IFNE: variants seen among roughly 807,000 people sequenced by gnomAD.
IFNE encodes IFN-epsilon.
For synonymous variants in IFNE, 94 were observed against 87.4 expected (o/e 1.08, Z -0.42); for missense variants, 276 against 232.4 (o/e 1.19, Z -1.22).
chr9:21,481,511 G>C lies in IFNE; in HGVS notation c.184C>G (p.Leu62Val), dbSNP rs1277586547. ...QCLPHRKNFL[L>V]PQKSLSPQQY... is the part of the protein sequence containing the mutation. ...TGAGGACTCAAAGACTTCTGAGGAA[G>C]CAGAAAGTTTTTCCTGTGTGGTAGA... The change falls in exon 1 of 1, where the codon CTT becomes GTT. Residue 62 changes from leucine to valine, a missense_variant. Coordinates refer to ENST00000448696, the MANE Select transcript of IFNE (RefSeq NM_176891.5). 2 of 1,614,036 alleles carry C rather than the reference G, an allele frequency of 1.2e-6. No individual in the cohort carries two copies.
In IFNE at chr9:21,481,438, T is replaced by C; in HGVS notation, c.257A>G (p.Gln86Arg). The C allele has an allele frequency of 3.1e-6, 5 of 1,614,176 alleles. No individual in the cohort carries two copies. The highest frequency in any genetic ancestry group is 4.2e-6 in the Non-Finnish European group (5 of 1,180,016). Residue 86 changes from glutamine (Q) to arginine (R), a missense_variant, in exon 1 of 1, where the codon CAG becomes CGG. Coordinates refer to ENST00000448696, the MANE Select transcript of IFNE (RefSeq NM_176891.5). ...TGCCCTGAAGAGGCTGAAGATCTGC[T>C]GAAGCATCTCATGGAGAATGGCCAG... ...HTLAILHEML[Q>R]QIFSLFRANI...
rs1210076003 is a variant in IFNE, at chr9:21,482,264, C to T, written c.-570G>A. ...AAATAATTAATTTTAAAACATATATCAGCAATCTTAAATTATTTTATATCT... is the reference window on the plus strand; with the variant it reads ...AAATAATTAATTTTAAAACATATATTAGCAATCTTAAATTATTTTATATCT... On this transcript the variant is annotated 5_prime_UTR_variant, in exon 1 of 1. Transcript: ENST00000448696. The T allele has an allele frequency of 6.0e-6, 1 of 166,694 alleles. No homozygotes were observed. 10.3% of individuals were successfully genotyped at this position (166,694 alleles called of 1,614,324 possible). A position where few individuals can be genotyped will look rare whatever the true frequency, so the allele number is the denominator to read the frequency against.
In IFNE at chr9:21,481,064, C is replaced by G. The variant is rs185928834; in HGVS notation, c.*4G>C. Reference sequence around the variant, plus strand: ...TGTCTGGAGAAGTCCTCTAGTCCCTCCACCTACCTCGGGCTTCTAAACTCT... The same window carrying G: ...TGTCTGGAGAAGTCCTCTAGTCCCTGCACCTACCTCGGGCTTCTAAACTCT... On this transcript the variant is annotated 3_prime_UTR_variant, in exon 1 of 1. Coordinates refer to ENST00000448696, the MANE Select transcript of IFNE (RefSeq NM_176891.5). 6.3e-7 allele frequency: 1 copy of G among 1,593,846 alleles called. No homozygotes were observed. The highest frequency in any genetic ancestry group is 1.4e-5 in the African/African-American group (1 of 74,026).
chr9:21,480,968 AAT>A lies in IFNE; in HGVS notation c.*98_*99del. The A allele has an allele frequency of 7.5e-6, 7 of 935,708 alleles. No homozygotes were observed. The highest frequency in any genetic ancestry group is 8.0e-6 in the Non-Finnish European group (5 of 623,664). 58.0% of individuals were successfully genotyped at this position (935,708 alleles called of 1,614,324 possible). A position where few individuals can be genotyped will look rare whatever the true frequency, so the allele number is the denominator to read the frequency against. On this transcript the variant is annotated 3_prime_UTR_variant, in exon 1 of 1. Transcript: ENST00000448696. ...TATGCACAATCTTAAAACACAGATA[AAT>A]ATATATATACACAAAATCAAAGCAA...
rs190368581 is a variant in IFNE at position 21,481,729 on chromosome 9, G to C, written c.-35C>G. The C allele has an allele frequency of 3.8e-4, 594 of 1,549,500 alleles. 3 individuals are homozygous for C. The highest frequency in any genetic ancestry group is 3.4e-3 in the Middle Eastern group (16 of 4,754). On this transcript the variant is annotated 5_prime_UTR_variant, in exon 1 of 1. Transcript: ENST00000448696. ...CAAATATGCTACTTATCCCTGCATA[G>C]ACTTAGGGAAATTCCAGCTCTAGTG...
rs965742237 is a variant in IFNE at position 21,481,226 on chromosome 9, T to A, written c.469A>T (p.Asn157Tyr). ...CAGGCACAGGTGCTGTAGTCCTGGT[T>A]TTCCAGGTAATCATGGATCCTTCGG... is the stretch of plus-strand genomic sequence containing the variant. ...YFRRIHDYLE[N>Y]QDYSTCAWAI... The change falls in exon 1 of 1, where the codon AAC becomes TAC. Residue 157 changes from asparagine (N) to tyrosine (Y), a missense_variant. Asn to Tyr is a moderately radical substitution (Grantham distance 143). Transcript: ENST00000448696. 6.2e-7 allele frequency: 1 copy of A among 1,614,182 alleles called. No homozygotes were observed. Among genetic ancestry groups the A allele is most frequent in the Admixed American group, 1.7e-5 (1 of 60,026 alleles).
Position 21,481,774 on chromosome 9 carries a change from T to A in IFNE, c.-80A>T. 3 of 1,266,712 alleles carry A rather than the reference T, an allele frequency of 2.4e-6. No homozygotes were observed. The highest frequency in any genetic ancestry group is 3.3e-6 in the Non-Finnish European group (3 of 907,846). 78.5% of individuals were successfully genotyped at this position (1,266,712 alleles called of 1,614,324 possible). On this transcript the variant is annotated 5_prime_UTR_variant, in exon 1 of 1. The change abolishes an upstream ATG in the 5' untranslated region. Coordinates refer to ENST00000448696, the MANE Select transcript of IFNE (RefSeq NM_176891.5). ...CTAGTGAATGTTTGCCTTTCATGCA[T>A]CTCAGATTATTTTGGAGAGTGTTCT...
chr9:21,481,306 T>G lies in IFNE; in HGVS notation c.389A>C (p.Lys130Thr), dbSNP rs1355359940. The G allele has an allele frequency of 1.2e-5, 19 of 1,614,040 alleles. No homozygotes were observed. Among genetic ancestry groups the G allele is most frequent in the African/African-American group, 2.7e-5 (2 of 74,938 alleles). Residue 130 changes from lysine (K) to threonine (T), a missense_variant, in exon 1 of 1, where the codon AAG becomes ACG. Coordinates refer to ENST00000448696, the MANE Select transcript of IFNE (RefSeq NM_176891.5). ...LEALMGLEAE[K>T]LSGTLGSDNL... ...ATCACTACCCAAAGTACCACTTAGC[T>G]TCTCTGCTTCCAGTCCCATGAGTGC...
Position 21,481,987 on chromosome 9 carries a change from A to G in IFNE, c.-293T>C, listed in dbSNP as rs1019726880. The stretch of plus-strand genomic sequence containing the variant: ...GGCAATTACAGACTAGTCATCCAAC[A>G]TAATCTTTTATTATTCTATTCATTA... On this transcript the variant is annotated 5_prime_UTR_variant, in exon 1 of 1. The change abolishes an upstream ATG in the 5' untranslated region. Coordinates refer to ENST00000448696, the MANE Select transcript of IFNE (RefSeq NM_176891.5). The G allele has an allele frequency of 3.3e-6, 1 of 304,774 alleles. No individual in the cohort carries two copies. The highest frequency in any genetic ancestry group is 2.2e-5 in the African/African-American group (1 of 45,212). The allele number at this position is 304,774 out of a possible 1,614,324, so 18.9% of individuals were successfully genotyped here. A position where few individuals can be genotyped will look rare whatever the true frequency, so the allele number is the denominator to read the frequency against.
chr9:21,481,238 C>A lies in IFNE; in HGVS notation c.457G>T (p.Asp153Tyr), dbSNP rs1231808512. ...QVKMYFRRIHDYLENQDYSTC... is the reference protein window; with the variant it reads ...QVKMYFRRIHYYLENQDYSTC... ...CTGTAGTCCTGGTTTTCCAGGTAAT[C>A]ATGGATCCTTCGGAAGTACATTTTA... The change falls in exon 1 of 1, where the codon GAT (aspartate) becomes TAT (tyrosine). Residue 153 changes from aspartate to tyrosine, a missense_variant. Transcript: ENST00000448696. The A allele has an allele frequency of 1.2e-6, 2 of 1,614,010 alleles. No individual in the cohort carries two copies.
At position 21,481,449 on chromosome 9, in the gene IFNE, A is replaced by G; in HGVS notation, c.246T>C (p.His82=). The G allele has an allele frequency of 6.2e-7, 1 of 1,614,172 alleles. No individual in the cohort carries two copies. Among genetic ancestry groups the G allele is most frequent in the Non-Finnish European group, 8.5e-7 (1 of 1,180,014 alleles). Residue 82 remains histidine (H), a synonymous_variant, in exon 1 of 1, where the codon CAT becomes CAC. Coordinates refer to ENST00000448696, the MANE Select transcript of IFNE (RefSeq NM_176891.5). The stretch of plus-strand genomic sequence containing the variant: ...GGCTGAAGATCTGCTGAAGCATCTC[A>G]TGGAGAATGGCCAGAGTGTGTCCTT... The part of the protein sequence containing the change: ...YQKGHTLAIL[H]EMLQQIFSLF...
chr9:21,481,361 G>C lies in IFNE; in HGVS notation c.334C>G (p.Gln112Glu). ...EENHTEKFLI[Q>E]LHQQLEYLEA... Reference sequence around the variant, plus strand: ...AGGTATTCTAGCTGTTGATGAAGTTGAATGAGGAATTTCTCCGTGTGGTTT... The same window carrying C: ...AGGTATTCTAGCTGTTGATGAAGTTCAATGAGGAATTTCTCCGTGTGGTTT... The change falls in exon 1 of 1, where the codon CAA becomes GAA. Residue 112 changes from glutamine to glutamate, a missense_variant. Physicochemically the swap from Gln to Glu is conservative, Grantham distance 29. Transcript: ENST00000448696. 3 of 1,614,158 alleles carry C rather than the reference G, an allele frequency of 1.9e-6. No homozygotes were observed. The highest frequency in any genetic ancestry group is 1.1e-5 in the South Asian group (1 of 91,082).
the IFNE span, chr9:21,481,134 GCT>G: frequency 6.2e-7 from 1 of 1,614,066 alleles, no homozygotes; most frequent in Non-Finnish European, 8.5e-7. Context: ...TTCCTTGTTT[GCT>G]CAGTTTTTCT....
In IFNE at chr9:21,481,795, G is replaced by A; in HGVS notation, c.-101C>T. ...TGCATCTCAGATTATTTTGGAGAGT[G>A]TTCTCTTTTGTTGCTTTCGTTTTCT... is the stretch of plus-strand genomic sequence containing the variant. On this transcript the variant is annotated 5_prime_UTR_variant, in exon 1 of 1. Coordinates refer to ENST00000448696, the MANE Select transcript of IFNE (RefSeq NM_176891.5). 3 of 1,063,056 alleles carry A rather than the reference G, an allele frequency of 2.8e-6. No homozygotes were observed. 65.9% of individuals were successfully genotyped at this position (1,063,056 alleles called of 1,614,324 possible).
rs768493877 is a variant in IFNE, at chr9:21,481,189, T to A, written c.506A>T (p.Gln169Leu). The change falls in exon 1 of 1, where the codon CAA becomes CTA. Residue 169 changes from glutamine (Q) to leucine (L), a missense_variant. By Grantham distance (113) the Gln-to-Leu change is moderately radical. Transcript: ENST00000448696. ...DYSTCAWAIVQVEISRCLFFV... is the reference protein window; with the variant it reads ...DYSTCAWAIVLVEISRCLFFV... ...GAACAGACATCGGCTGATTTCTACTTGGACAATGGCCCAGGCACAGGTGCT... is the reference window on the plus strand; with the variant it reads ...GAACAGACATCGGCTGATTTCTACTAGGACAATGGCCCAGGCACAGGTGCT... The A allele has an allele frequency of 6.2e-7, 1 of 1,614,180 alleles. No homozygotes were observed. Among genetic ancestry groups the A allele is most frequent in the South Asian group, 1.1e-5 (1 of 91,080 alleles).
chr9:21,481,552 A>G lies in IFNE; in HGVS notation c.143T>C (p.Leu48Ser). 1 of 1,614,124 alleles carries G rather than the reference A, an allele frequency of 6.2e-7. No homozygotes were observed. The highest frequency in any genetic ancestry group is 8.5e-7 in the Non-Finnish European group (1 of 1,180,012). Residue 48 changes from leucine to serine, a missense_variant, in exon 1 of 1, where the codon TTG (leucine) becomes TCG (serine). Leu to Ser is a moderately radical substitution (Grantham distance 145). Coordinates refer to ENST00000448696, the MANE Select transcript of IFNE (RefSeq NM_176891.5). Reference protein sequence around the residue: ...SLKLLNKLQTLSIQQCLPHRK... With the variant: ...SLKLLNKLQTSSIQQCLPHRK... The stretch of plus-strand genomic sequence containing the variant: ...GTGTGGTAGACACTGCTGAATTGAC[A>G]AGGTTTGCAACTTATTCAAGAGTTT...
In IFNE at chr9:21,481,348, T is replaced by C; in HGVS notation, c.347A>G (p.Gln116Arg). The change falls in exon 1 of 1, where the codon CAG (glutamine) becomes CGG (arginine). Residue 116 changes from glutamine to arginine, a missense_variant. Transcript: ENST00000448696. ...CATGAGTGCTTCTAGGTATTCTAGC[T>C]GTTGATGAAGTTGAATGAGGAATTT... ...TEKFLIQLHQQLEYLEALMGL... is the reference protein window; with the variant it reads ...TEKFLIQLHQRLEYLEALMGL... The C allele has an allele frequency of 1.2e-6, 2 of 1,614,186 alleles. No individual in the cohort carries two copies. The highest frequency in any genetic ancestry group is 1.1e-5 in the South Asian group (1 of 91,082).
the IFNE span, chr9:21,481,175 G>A: frequency 3.7e-6 from 6 of 1,614,022 alleles, no homozygotes; most frequent in East Asian, 4.5e-5. Flanking sequence ...AACAGACATC[G>A]GCTGATTTCT....
Position 21,481,300 on chromosome 9 carries a change from C to G in IFNE, c.395G>C (p.Ser132Thr). 1 of 1,614,146 alleles carries G rather than the reference C, an allele frequency of 6.2e-7. No individual in the cohort carries two copies. The highest frequency in any genetic ancestry group is 1.1e-5 in the South Asian group (1 of 91,066). Residue 132 changes from serine (S) to threonine (T), a missense_variant, in exon 1 of 1, where the codon AGT becomes ACT. Physicochemically the swap from Ser to Thr is moderately conservative, Grantham distance 58 (BLOSUM62 1). Transcript: ENST00000448696. ...ALMGLEAEKL[S>T]GTLGSDNLRL... ...AAGGTTATCACTACCCAAAGTACCA[C>G]TTAGCTTCTCTGCTTCCAGTCCCAT...
Sources: gnomAD v4.1 joint callset for allele counts on GRCh38, gnomAD v4.1.1 for gene constraint, MANE v1.5 for transcripts, NCBI Gene and HGNC (gene_info 2026-07-23, HGNC 2026-07-21) for gene names.